Variants in PARM1 observed in about 807,000 individuals in gnomAD.
The protein encoded by PARM1 is prostate androgen-regulated mucin-like protein 1.
Under a neutral mutation model 24.6 loss-of-function variants are expected in PARM1, and 14 were observed. The observed-to-expected ratio is 0.57, with a 90% confidence interval of 0.38 to 0.89. The LOEUF is 0.89. PARM1 is among the 40% of genes least tolerant of loss of function. The pLI, the probability that PARM1 is intolerant of heterozygous loss-of-function variation, is 0.00. For synonymous variants in PARM1, 179 were observed against 156.6 expected, an observed-to-expected ratio of 1.14 and a Z score of -1.07; for missense variants, 362 against 380.4, an observed-to-expected ratio of 0.95 and a Z score of 0.40.
chr4:74,975,083 G>A (rs929067184), intron 1 of PARM1, among the ~76,000 whole-genome samples: 1 of 152,188 alleles, frequency 6.6e-6, no homozygotes, highest in African/African-American at 2.4e-5. Context: ...TCAGACATTT[G>A]CACATTCCCC....
intron 1 of PARM1, among the ~76,000 whole-genome samples, chr4:74,982,865 C>T (rs1185291446): frequency 6.6e-6 from 1 of 152,224 alleles, no homozygotes; most frequent in African/African-American, 2.4e-5. Context: ...ATTATCACTC[C>T]TTCAGTCAAT....
chr4:74,937,146 A>G (rs2109978710), intron 1 of PARM1, among the ~76,000 whole-genome samples: 1 of 152,272 alleles, frequency 6.6e-6, no homozygotes, highest in South Asian at 2.1e-4. Context: ...GACTTACTTC[A>G]CCCTGCACAT....
intron 1 of PARM1, among the ~76,000 whole-genome samples, chr4:74,988,534 T>C (rs956494462): frequency 5.3e-5 from 8 of 152,224 alleles, no homozygotes; most frequent in Non-Finnish European, 7.3e-5. Flanking sequence ...TTCCACATCA[T>C]TGGTGCTCAG....
intron 2 of PARM1, among the ~76,000 whole-genome samples, chr4:75,030,653 A>G (rs528793652): frequency 6.6e-6 from 1 of 152,170 alleles, no homozygotes; most frequent in Non-Finnish European, 1.5e-5. Context: ...AAATATATAG[A>G]TAAGTTTCCT....
intron 2 of PARM1, among the ~76,000 whole-genome samples, chr4:75,013,605 C>T (rs898316520): frequency 7.2e-5 from 11 of 152,170 alleles, no homozygotes; most frequent in African/African-American, 2.7e-4. Context: ...TAGAACAGTT[C>T]CTGGCAGGGA....
intron 2 of PARM1, among the ~76,000 whole-genome samples, chr4:75,020,663 G>T (rs1560794526): frequency 6.6e-6 from 1 of 152,024 alleles, no homozygotes; most frequent in Non-Finnish European, 1.5e-5. Flanking sequence ...AGTTTATGTG[G>T]GCTCCACTTG....
chr4:74,933,440 C>T, intron 1 of PARM1, 70 bp downstream of exon 1: 2 of 1,394,824 alleles, frequency 1.4e-6, no homozygotes, highest in Admixed American at 3.4e-5. Context: ...GTGGTCGGGG[C>T]TGAAGCTAGG....
chr4:75,000,488 T>A (rs1180341395), intron 1 of PARM1, among the ~76,000 whole-genome samples: 1 of 152,190 alleles, frequency 6.6e-6, no homozygotes, highest in African/African-American at 2.4e-5. Flanking sequence ...TTTACTGGCA[T>A]CCTTGGCTTC....
At chr4:75,024,682 C>G (rs1239642272) in intron 2 of PARM1, among the ~76,000 whole-genome samples, 2 of 152,056 alleles carry the variant, frequency 1.3e-5, no homozygotes, top group Admixed American at 1.3e-4. Flanking sequence ...TTTATTTTTC[C>G]CTTTAGTTTT....
At chr4:74,963,320 G>T (rs541214437) in intron 1 of PARM1, among the ~76,000 whole-genome samples, 5 of 152,100 alleles carry the variant, frequency 3.3e-5, no homozygotes, top group African/African-American at 1.2e-4. Context: ...AAACCCAAAA[G>T]AATTCAACAT....
chr4:75,048,906 G>A lies in PARM1; in HGVS notation c.*2659G>A, dbSNP rs17000150. The A allele has an allele frequency of 0.14, 20,875 of 152,572 alleles. 2,065 individuals are homozygous for A. The highest frequency in any genetic ancestry group is 0.28 in the African/African-American group (11,474 of 41,466). The allele number at this position is 152,572 out of a possible 1,614,324, so 9.5% of individuals were successfully genotyped here. On this transcript the variant is annotated 3_prime_UTR_variant, in exon 4 of 4. Transcript: ENST00000307428. Reference sequence around the variant, plus strand: ...ATCTTTTCTGCTTTTGAATTGGGCAGAAGATTTTAGCAACTATATTCTACA... The same window carrying A: ...ATCTTTTCTGCTTTTGAATTGGGCAAAAGATTTTAGCAACTATATTCTACA...
intron 1 of PARM1, among the ~76,000 whole-genome samples, chr4:74,937,903 G>A (rs778225936): frequency 1.1e-4 from 16 of 152,154 alleles, no homozygotes; most frequent in Admixed American, 3.3e-4. Flanking sequence ...CAGATTTAGT[G>A]CAAGAGTCCA....
At chr4:74,966,249 C>T (rs959415101) in intron 1 of PARM1, among the ~76,000 whole-genome samples, 1 of 152,100 alleles carries the variant, frequency 6.6e-6, no homozygotes, top group African/African-American at 2.4e-5. Context: ...TTTAATACGT[C>T]TTAAAATGGC....
At chr4:74,939,530 A>C (rs1244873825) in intron 1 of PARM1, among the ~76,000 whole-genome samples, 1 of 151,988 alleles carries the variant, frequency 6.6e-6, no homozygotes, top group Non-Finnish European at 1.5e-5. Context: ...TTTTTAAAAG[A>C]AAGTTATGAT....
intron 1 of PARM1, among the ~76,000 whole-genome samples, chr4:75,003,031 G>A (rs528016299): frequency 6.6e-6 from 1 of 152,312 alleles, no homozygotes; most frequent in East Asian, 1.9e-4. Context: ...GAAAGAACCA[G>A]AGAACCTGAT....
chr4:75,019,478 T>C (rs1162012264), intron 2 of PARM1, among the ~76,000 whole-genome samples: 2 of 152,194 alleles, frequency 1.3e-5, no homozygotes, highest in East Asian at 1.9e-4. Context: ...ACCGTGAAAA[T>C]TGGTGAAGAC....
chr4:75,020,004 C>A (rs572275201), intron 2 of PARM1, among the ~76,000 whole-genome samples: 1 of 100,452 alleles, frequency 1.0e-5, no homozygotes, highest in African/African-American at 3.9e-5. Context: ...AACGAGACTC[C>A]GTCTCAAAAA....
chr4:75,039,316 G>A (rs1044344165), intron 3 of PARM1, among the ~76,000 whole-genome samples: 3 of 152,112 alleles, frequency 2.0e-5, no homozygotes, highest in Non-Finnish European at 2.9e-5. Context: ...CAGATCATGA[G>A]GTCAGGAGAT....
chr4:75,042,061 C>A (rs1723499122), intron 3 of PARM1, among the ~76,000 whole-genome samples: 1 of 152,170 alleles, frequency 6.6e-6, no homozygotes, highest in Non-Finnish European at 1.5e-5. Context: ...GGGATGTTTT[C>A]ATTTTTCCAA....
Sources: gnomAD v4.1 joint callset for allele counts (sites outside exome capture counted in the v4.1 genomes callset) on GRCh38, gnomAD v4.1.1 for gene constraint, MANE v1.5 for transcripts, NCBI Gene and HGNC (gene_info 2026-07-23, HGNC 2026-07-21) for gene names.